The following DCC variants were observed in gnomAD, a reference collection of about 807,000 sequenced individuals.
DCC encodes the protein DCC netrin 1 receptor.
Under a neutral mutation model 172.5 loss-of-function variants are expected in DCC, and 58 were observed. The ratio of observed to expected loss-of-function variants is 0.34; its 90% CI spans 0.27 to 0.42. The LOEUF (loss-of-function observed/expected upper bound fraction) is 0.42. DCC is among the 10% of genes least tolerant of loss of function. DCC has a pLI of 1.00. For synonymous variants in DCC, 709 were observed against 644.5 expected (o/e 1.10, Z -1.52); for missense variants, 1,740 against 1,791.0 (o/e 0.97, Z 0.51).
chr18:52,898,179 G>GT (rs2039759323), intron 2 of DCC, among the ~76,000 whole-genome samples: 1 of 152,190 alleles, frequency 6.6e-6, no homozygotes, highest in South Asian at 2.1e-4. Context: ...AAAGCAAGGC[G>GT]TGTTTCCAAC....
At chr18:53,529,077 CACACACAT>C (rs1239534049) in intron 28 of DCC, among the ~76,000 whole-genome samples, 11 of 146,824 alleles carry the variant, frequency 7.5e-5, no homozygotes, top group African/African-American at 2.8e-4. Flanking sequence ...CACACACACA[CACACACAT>C]TGTATGTATA....
chr18:52,866,129 A>T (rs774603390), intron 2 of DCC, among the ~76,000 whole-genome samples: 4 of 152,118 alleles, frequency 2.6e-5, no homozygotes, highest in African/African-American at 9.7e-5. Flanking sequence ...GATTTTCCCA[A>T]TGCTATTTAT....
chr18:53,429,456 G>A (rs907637974), intron 21 of DCC, among the ~76,000 whole-genome samples: 13 of 151,662 alleles, frequency 8.6e-5, no homozygotes, highest in Non-Finnish European at 4.4e-5. Flanking sequence ...TTTTATTCGT[G>A]TGTGAAATTA....
At chr18:52,681,248 C>T (rs1283926384) in intron 1 of DCC, among the ~76,000 whole-genome samples, 1 of 152,016 alleles carries the variant, frequency 6.6e-6, no homozygotes, top group Non-Finnish European at 1.5e-5. Flanking sequence ...AGTCTCTCCT[C>T]CAAAGCCATT....
At chr18:52,870,362 C>T (rs1341730350) in intron 2 of DCC, among the ~76,000 whole-genome samples, 1 of 152,186 alleles carries the variant, frequency 6.6e-6, no homozygotes, top group Non-Finnish European at 1.5e-5. Context: ...CCTGCCACCA[C>T]CACTCGCACC....
chr18:52,524,734 T>C (rs1474889391), intron 1 of DCC, among the ~76,000 whole-genome samples: 1 of 152,194 alleles, frequency 6.6e-6, no homozygotes, highest in Non-Finnish European at 1.5e-5. Context: ...TGTTCATCCT[T>C]ATTAACAACT....
intron 14 of DCC, among the ~76,000 whole-genome samples, chr18:53,323,655 GTGGTTGGTTGGTTGGA>G (rs914709653): frequency 4.6e-5 from 7 of 151,904 alleles, no homozygotes; most frequent in Middle Eastern, 3.2e-3. Flanking sequence ...TGGATGGATG[GTGGTTGGTTGGTTGGA>G]TGGTTGGATG....
chr18:53,014,441 C>T (rs913872220), intron 5 of DCC, among the ~76,000 whole-genome samples: 1 of 100,510 alleles, frequency 9.9e-6, no homozygotes, highest in East Asian at 3.6e-4. Flanking sequence ...CCTCCCCCCT[C>T]CCCCCACCCC....
chr18:52,550,811 G>T (rs927897124), intron 1 of DCC, among the ~76,000 whole-genome samples: 10 of 152,056 alleles, frequency 6.6e-5, no homozygotes, highest in African/African-American at 2.4e-4. Context: ...ACTAGTGTAA[G>T]ATGTTAATAA....
intron 1 of DCC, among the ~76,000 whole-genome samples, chr18:52,597,535 C>T (rs1318104478): frequency 1.3e-5 from 2 of 152,144 alleles, no homozygotes; most frequent in Non-Finnish European, 2.9e-5. Context: ...TTCAACCTTC[C>T]TTTTAGCTGC....
chr18:53,075,287 A>G (rs1424440019), intron 7 of DCC, among the ~76,000 whole-genome samples: 5 of 152,180 alleles, frequency 3.3e-5, no homozygotes, highest in Admixed American at 1.3e-4. Flanking sequence ...ATGTAGGCAG[A>G]GGTTTCTCAG....
At chr18:53,050,096 C>A (rs2042314032) in intron 5 of DCC, among the ~76,000 whole-genome samples, 1 of 152,064 alleles carries the variant, frequency 6.6e-6, no homozygotes. Context: ...AGGAAGCATC[C>A]AGCACAGGAG....
At position 53,485,196 on chromosome 18, in the gene DCC, A is replaced by G. The variant is rs995330327; in HGVS notation, c.3737-1601A>G. On this transcript the variant is annotated intron_variant, in intron 25 of 28. Coordinates refer to ENST00000442544, the MANE Select transcript of DCC (RefSeq NM_005215.4). ...TGTGAGCCGATAGATATGTTAATCTACTTCACTATGGTAACCAACCTACTA... is the reference window on the plus strand; with the variant it reads ...TGTGAGCCGATAGATATGTTAATCTGCTTCACTATGGTAACCAACCTACTA... Among the ~76,000 whole-genome samples the G allele has an allele frequency of 3.2e-4, 48 of 152,262 alleles. 1 individual carries two copies. Among genetic ancestry groups the G allele is most frequent in the South Asian group, 2.1e-4 (1 of 4,830 alleles).
At chr18:52,928,232 G>A (rs1472789685) in intron 5 of DCC, among the ~76,000 whole-genome samples, 1 of 152,062 alleles carries the variant, frequency 6.6e-6, no homozygotes, top group Non-Finnish European at 1.5e-5. Flanking sequence ...AAGATGCAAA[G>A]TGTGTCCTTA....
rs927046908 is a variant in DCC at position 52,879,116 on chromosome 18, A to G, written c.413-26928A>G. Among the ~76,000 whole-genome samples the G allele has an allele frequency of 2.6e-5, 4 of 152,178 alleles. No individual in the cohort carries two copies. In the South Asian group the frequency reaches 6.2e-4, roughly 24 times the overall value. ...CAATTGCTGATAGAACAAATACTATATTACTTGTTACTGGCTGAGTAGATT... is the reference window on the plus strand; with the variant it reads ...CAATTGCTGATAGAACAAATACTATGTTACTTGTTACTGGCTGAGTAGATT... On this transcript the variant is annotated intron_variant, in intron 2 of 28. Transcript: ENST00000442544.
chr18:53,152,417 TTAATC>T (rs2054655629), intron 7 of DCC, among the ~76,000 whole-genome samples: 2 of 152,092 alleles, frequency 1.3e-5, no homozygotes, highest in African/African-American at 4.8e-5. Context: ...ATTTAAAAAA[TTAATC>T]CAATAGCATC....
At chr18:53,179,225 T>C (rs1461630923) in intron 9 of DCC, 109 bp downstream of exon 9, 2 of 1,114,006 alleles carry the variant, frequency 1.8e-6, no homozygotes, top group Admixed American at 4.1e-5. Context: ...GAAGAAGAGT[T>C]TTTTTTCTTC....
chr18:52,705,758 G>A (rs1444347672), intron 1 of DCC, among the ~76,000 whole-genome samples: 4 of 152,234 alleles, frequency 2.6e-5, no homozygotes, highest in African/African-American at 4.8e-5. Flanking sequence ...TATAGGTAAA[G>A]CGTCAAAAAT....
chr18:52,856,877 T>C (rs2039065046), intron 2 of DCC, among the ~76,000 whole-genome samples: 1 of 152,144 alleles, frequency 6.6e-6, no homozygotes. Flanking sequence ...GCCCACAAAT[T>C]AGAAGTAACT....
Sources: allele counts gnomAD v4.1 joint callset (sites outside exome capture counted in the v4.1 genomes callset), GRCh38; gene constraint gnomAD v4.1.1; transcripts MANE v1.5; gene names NCBI Gene and HGNC (gene_info 2026-07-23, HGNC 2026-07-21).